AGAP1: variants seen among roughly 807,000 people sequenced by gnomAD.
AGAP1 encodes the protein ArfGAP with GTPase domain, ankyrin repeat and PH domain 1.
In AGAP1, 29 loss-of-function variants were observed where a neutral mutation model predicts 105.3. The observed-to-expected ratio is 0.28, with a 90% CI of 0.21 to 0.38. The LOEUF is 0.38. Ranked by LOEUF, AGAP1 falls within the 10% of genes least tolerant of loss-of-function variation. The pLI is 1.00. For synonymous variants in AGAP1, 509 were observed against 485.9 expected (o/e 1.05, Z -0.63); for missense variants, 998 against 1,165.1 (o/e 0.86, Z 2.09).
At chr2:236,030,100 CT>C (rs1323245609) in intron 13 of AGAP1, among the ~76,000 whole-genome samples, 2 of 152,230 alleles carry the variant, frequency 1.3e-5, no homozygotes, top group African/African-American at 4.8e-5. Context: ...CTGTTATTTT[CT>C]CTTGAGGATA....
chr2:236,099,294 A>T (rs1024609879), intron 16 of AGAP1, among the ~76,000 whole-genome samples: 17 of 152,044 alleles, frequency 1.1e-4, no homozygotes, highest in Admixed American at 7.9e-4. Flanking sequence ...CTACTAAAAA[A>T]ATACAAAAAA....
In AGAP1 at chr2:235,720,429, G is replaced by A. The variant is rs879846346; in HGVS notation, c.310+2785G>A. On this transcript the variant is annotated intron_variant, in intron 3 of 17. Coordinates refer to ENST00000304032, the MANE Select transcript of AGAP1 (RefSeq NM_001037131.3). The surrounding 1 kb of genome is among the most constrained non-coding windows in gnomAD (Gnocchi z 5.0). The stretch of plus-strand genomic sequence containing the variant: ...AGCTGATGATGGCCCAGCCTCACCT[G>A]TGGTTACTTACCCACACAAAGGTGA... 6.6e-6 allele frequency among the ~76,000 whole-genome samples: 1 copy of A among 152,166 alleles called. No homozygotes were observed. The highest frequency in any genetic ancestry group is 1.5e-5 in the Non-Finnish European group (1 of 68,024).
intron 11 of AGAP1, among the ~76,000 whole-genome samples, chr2:235,925,118 A>G (rs763752570): frequency 3.3e-5 from 5 of 152,240 alleles, no homozygotes; most frequent in Middle Eastern, 3.4e-3. Context: ...CCCCGAGTAT[A>G]AGTGTACCCT....
chr2:235,853,312 T>G, intron 9 of AGAP1: 2 of 769,786 alleles, frequency 2.6e-6, no homozygotes, highest in Non-Finnish European at 3.2e-6. Context: ...GCAGGTTGAG[T>G]GAGGAATTGT....
At chr2:235,947,167 C>T (rs2053538487) in intron 12 of AGAP1, among the ~76,000 whole-genome samples, 1 of 152,084 alleles carries the variant, frequency 6.6e-6, no homozygotes, top group East Asian at 1.9e-4. Context: ...GGTTTTGGTG[C>T]ACCCATCACC....
Position 236,082,956 on chromosome 2 carries a change from G to A in AGAP1, c.2114+33675G>A, listed in dbSNP as rs1201190497. On this transcript the variant is annotated intron_variant, in intron 16 of 17. Transcript: ENST00000304032. The surrounding 1 kb of genome is among the most constrained non-coding windows in gnomAD (Gnocchi z 4.2). Reference sequence around the variant, plus strand: ...GGATCACCTGAGGTCAGGAATTCAAGACCAGCCTGACCAACATGGAGAAAC... The same window carrying A: ...GGATCACCTGAGGTCAGGAATTCAAAACCAGCCTGACCAACATGGAGAAAC... Among the ~76,000 whole-genome samples the A allele has an allele frequency of 6.6e-6, 1 of 152,044 alleles. No individual in the cohort carries two copies. The highest frequency in any genetic ancestry group is 2.4e-5 in the African/African-American group (1 of 41,402).
intron 1 of AGAP1, among the ~76,000 whole-genome samples, chr2:235,511,874 A>ATGTG (rs879692811): frequency 1.3e-5 from 2 of 149,974 alleles, no homozygotes; most frequent in African/African-American, 2.5e-5. Flanking sequence ...GTGTGTGTGT[A>ATGTG]TGTGAATGTG....
rs2055116782 is a variant in AGAP1 at position 235,981,938 on chromosome 2, T to G, written c.1645+13315T>G. ...ATCTTGGCTTGTCTAGGATTCTTCC[T>G]ACAGAAGAAGTTCATATAAAATAAG... On this transcript the variant is annotated intron_variant, in intron 13 of 17. Transcript: ENST00000304032. This position sits in a 1 kb window ranked among gnomAD's most constrained non-coding sequence, Gnocchi z 5.5. Among the ~76,000 whole-genome samples, 1 of 152,224 alleles carries G rather than the reference T, an allele frequency of 6.6e-6. No homozygotes were observed. Among genetic ancestry groups the G allele is most frequent in the South Asian group, 2.1e-4 (1 of 4,830 alleles).
At chr2:235,501,615 C>T (rs1354940996) in intron 1 of AGAP1, among the ~76,000 whole-genome samples, 3 of 152,090 alleles carry the variant, frequency 2.0e-5, no homozygotes, top group Non-Finnish European at 2.9e-5. Context: ...CTAAACCAGG[C>T]GTTTTATTTT....
At chr2:235,668,848 T>C (rs1948218666) in intron 1 of AGAP1, among the ~76,000 whole-genome samples, 1 of 152,202 alleles carries the variant, frequency 6.6e-6, no homozygotes, top group African/African-American at 2.4e-5. Flanking sequence ...GGAGCTTTTA[T>C]TGGCACCCCT....
In AGAP1 at chr2:236,005,945, AG is replaced by A. The variant is rs2056307685; in HGVS notation, c.1646-30614del. On this transcript the variant is annotated intron_variant, in intron 13 of 17. Transcript: ENST00000304032. The surrounding 1 kb of genome is among the most constrained non-coding windows in gnomAD (Gnocchi z 4.1). ...CCACAGCCCATACTGAACTTTTGGA[AG>A]GAAGTCACTGTGCACTTAAGGAGTT... Among the ~76,000 whole-genome samples, 1 of 152,196 alleles carries A rather than the reference AG, an allele frequency of 6.6e-6. No homozygotes were observed. The highest frequency in any genetic ancestry group is 1.5e-5 in the Non-Finnish European group (1 of 68,032).
intron 1 of AGAP1, among the ~76,000 whole-genome samples, chr2:235,572,026 A>C (rs1415472709): frequency 1.5e-5 from 2 of 131,058 alleles, no homozygotes; most frequent in Non-Finnish European, 3.2e-5. Flanking sequence ...TTTTTGAAGC[A>C]GCTCGTCTTT....
rs2052669779 is a variant in AGAP1 at position 235,930,529 on chromosome 2, T to G, written c.1325-236T>G. Among the ~76,000 whole-genome samples the G allele has an allele frequency of 6.6e-6, 1 of 152,212 alleles. No individual in the cohort carries two copies. On this transcript the variant is annotated intron_variant, in intron 11 of 17. Coordinates refer to ENST00000304032, the MANE Select transcript of AGAP1 (RefSeq NM_001037131.3). The surrounding 1 kb of genome is among the most constrained non-coding windows in gnomAD (Gnocchi z 7.9). ...ATAGGGTTGTTCGGTGCGAGCCATC[T>G]GTGGCATCGGGTCCCTTCACATTGC...
rs950600612 is a variant in AGAP1 at position 235,971,156 on chromosome 2, A to G, written c.1645+2533A>G. ...GGCTATGACATCTTTCCAATAGCAA[A>G]TAAGTCATAAGTTATTTATAAAAAG... On this transcript the variant is annotated intron_variant, in intron 13 of 17. Transcript: ENST00000304032. This position sits in a 1 kb window ranked among gnomAD's most constrained non-coding sequence, Gnocchi z 4.8. 2.0e-5 allele frequency among the ~76,000 whole-genome samples: 3 copies of G among 152,326 alleles called. No individual in the cohort carries two copies. The highest frequency in any genetic ancestry group is 2.1e-4 in the South Asian group (1 of 4,816).
Position 235,559,027 on chromosome 2 carries a change from A to G in AGAP1, c.163+64178A>G, listed in dbSNP as rs1944064154. Among the ~76,000 whole-genome samples the G allele has an allele frequency of 2.0e-5, 3 of 152,044 alleles. No individual in the cohort carries two copies. In the South Asian group the frequency reaches 6.2e-4, roughly 32 times the overall value. On this transcript the variant is annotated intron_variant, in intron 1 of 17. Transcript: ENST00000304032. This position sits in a 1 kb window ranked among gnomAD's most constrained non-coding sequence, Gnocchi z 5.7. ...AGCCTTCGCCTCCCAGGCTCAAGAA[A>G]TTCTCCCACCTCAGCCTCCTAGGTA... is the stretch of plus-strand genomic sequence containing the variant.
chr2:235,811,453 G>A (rs918242070), intron 9 of AGAP1, among the ~76,000 whole-genome samples: 8 of 152,352 alleles, frequency 5.3e-5, no homozygotes, highest in Non-Finnish European at 7.3e-5. Context: ...CTTTTGAGAC[G>A]TTGTGTTGTC....
At chr2:235,802,888 A>ATGG (rs570084243) in intron 8 of AGAP1, among the ~76,000 whole-genome samples, 1 of 109,390 alleles carries the variant, frequency 9.1e-6, no homozygotes, top group Non-Finnish European at 1.8e-5. Context: ...TGTGGTTGTG[A>ATGG]TGGTGATGAT....
At chr2:235,762,632 C>T (rs2696402) in intron 6 of AGAP1, among the ~76,000 whole-genome samples, 42,424 of 151,856 alleles carry the variant, frequency 0.28, 6,203 homozygotes, top group Admixed American at 0.41. Flanking sequence ...CTTTGGGAGG[C>T]TGAGGCAGGT....
intron 1 of AGAP1, among the ~76,000 whole-genome samples, chr2:235,630,220 A>G (rs1238622182): frequency 6.6e-6 from 1 of 151,928 alleles, no homozygotes; most frequent in Non-Finnish European, 1.5e-5. Flanking sequence ...GTCTTTCTGT[A>G]CTTTTTTTTT....
Sources: gnomAD v4.1 joint callset for allele counts (sites outside exome capture counted in the v4.1 genomes callset) on GRCh38, gnomAD v4.1.1 for gene constraint, Gnocchi (gnomAD v3.1) non-coding constraint, MANE v1.5 for transcripts, NCBI Gene and HGNC (gene_info 2026-07-23, HGNC 2026-07-21) for gene names.